RNF38: variants seen among roughly 807,000 people sequenced by gnomAD.
RNF38 encodes the protein E3 ubiquitin-protein ligase RNF38.
RNF38 carries 15 observed loss-of-function variants against 67.2 expected under a neutral mutation model. The ratio of observed to expected loss-of-function variants is 0.22; its 90% CI spans 0.15 to 0.34. RNF38 has a LOEUF of 0.34. Ranked by LOEUF, RNF38 falls within the 10% of genes least tolerant of loss-of-function variation. The pLI is 1.00. For missense variants in RNF38, 524 were observed against 639.9 expected, an observed-to-expected ratio of 0.82 and a Z score of 1.95; for synonymous variants, 220 against 218.8, an observed-to-expected ratio of 1.01 and a Z score of -0.05.
At chr9:36,355,819 C>T (rs751392466) in intron 6 of RNF38, among the ~76,000 whole-genome samples, 1 of 151,992 alleles carries the variant, frequency 6.6e-6, no homozygotes, top group African/African-American at 2.4e-5. Context: ...AATTCAAGAA[C>T]CAGAAGAATG....
intron 9 of RNF38, among the ~76,000 whole-genome samples, chr9:36,347,118 CTCGGGGGGGGGGGGGGGG>C (rs1833298645): frequency 2.0e-4 from 2 of 10,062 alleles, no homozygotes; most frequent in African/African-American, 9.6e-4. Context: ...GAGACTCCAT[CTCGGGGGGGGGGGGGGGG>C]GGGGGGGGGG....
At chr9:36,477,276 T>A (rs1840142331) in intron 1 of RNF38, among the ~76,000 whole-genome samples, 1 of 144,592 alleles carries the variant, frequency 6.9e-6, no homozygotes, top group African/African-American at 2.6e-5. Context: ...TGAGCCAAGA[T>A]CACACCACTG....
At chr9:36,401,333 G>C (rs190343191), upstream of RNF38, 232 of 509,274 alleles carry the variant, frequency 4.6e-4, 2 homozygotes, top group South Asian at 0.012. Flanking sequence ...GCGGACCGCA[G>C]GGCCCTGTTC....
intron 1 of RNF38, chr9:36,424,707 T>A (rs1303769362): frequency 1.1e-6 from 1 of 945,246 alleles, no homozygotes; most frequent in Non-Finnish European, 1.3e-6. Context: ...GGAGGAAAGG[T>A]TAAGATGCAG....
chr9:36,398,876 C>T (rs1837754395), intron 1 of RNF38, among the ~76,000 whole-genome samples: 1 of 152,194 alleles, frequency 6.6e-6, no homozygotes, highest in African/African-American at 2.4e-5. Flanking sequence ...TCTTTCCATA[C>T]TGAGCAAGTA....
intron 4 of RNF38, among the ~76,000 whole-genome samples, chr9:36,367,824 C>G (rs1835093293): frequency 1.3e-5 from 2 of 151,996 alleles, no homozygotes; most frequent in Admixed American, 1.3e-4. Context: ...TTCGAATTAC[C>G]AGTTCTTTAA....
At chr9:36,439,918 T>C (rs1004877941) in intron 1 of RNF38, among the ~76,000 whole-genome samples, 8 of 152,102 alleles carry the variant, frequency 5.3e-5, no homozygotes, top group African/African-American at 1.9e-4. Flanking sequence ...TCCATTGATA[T>C]CTATATACTA....
Position 36,356,332 on chromosome 9 carries a change from C to T in RNF38, c.880G>A (p.Val294Ile), listed in dbSNP as rs1834103920. 5 of 1,613,922 alleles carry T rather than the reference C, an allele frequency of 3.1e-6. No individual in the cohort carries two copies. The South Asian group carries it at 5.5e-5, about 18-fold the overall frequency. Reference protein sequence around the residue: ...PPHLPPPGQFVPFQTQQSRSP... With the variant: ...PPHLPPPGQFIPFQTQQSRSP... The stretch of plus-strand genomic sequence containing the variant: ...CGTGATTGCTGTGTTTGGAAAGGGA[C>T]AAACTGGCCTGGTGGTGGCAAATGA... Residue 294 changes from valine to isoleucine, a missense_variant, in exon 6 of 12, where the codon GTC (valine) becomes ATC (isoleucine). Val to Ile is a conservative substitution (Grantham distance 29, BLOSUM62 3). Coordinates refer to ENST00000259605, the MANE Select transcript of RNF38 (RefSeq NM_022781.5).
At chr9:36,440,637 A>G (rs1419018055) in intron 1 of RNF38, among the ~76,000 whole-genome samples, 1 of 152,216 alleles carries the variant, frequency 6.6e-6, no homozygotes, top group Non-Finnish European at 1.5e-5. Flanking sequence ...GAATAAATAA[A>G]TAAGGCCCTG....
intron 2 of RNF38, among the ~76,000 whole-genome samples, chr9:36,382,277 T>C (rs2133924772): frequency 2.0e-5 from 3 of 152,260 alleles, no homozygotes; most frequent in Middle Eastern, 6.8e-3. Context: ...AGAACACTGC[T>C]ACAGATTTAG....
chr9:36,441,770 A>G (rs997190301), intron 1 of RNF38, among the ~76,000 whole-genome samples: 3 of 152,194 alleles, frequency 2.0e-5, no homozygotes, highest in African/African-American at 7.2e-5. Flanking sequence ...TGCTTTGGGA[A>G]GTTAACACTA....
At chr9:36,477,871 T>C (rs1050142605) in intron 1 of RNF38, among the ~76,000 whole-genome samples, 9 of 150,644 alleles carry the variant, frequency 6.0e-5, no homozygotes, top group Non-Finnish European at 1.3e-4. Context: ...GTCACACTCA[T>C]TGTCCCAGCT....
rs199834655 is a variant in RNF38, at chr9:36,426,670, G to A, written n.242-1987C>T. On this transcript the variant is annotated intron_variant and non_coding_transcript_variant, in intron 1 of 3. Transcript: ENST00000488058. ...TGATCTCTCTATTCAACCTTTTGAGGAACTGCCAAACTGTTTTCCAAACTG... is the reference window on the plus strand; with the variant it reads ...TGATCTCTCTATTCAACCTTTTGAGAAACTGCCAAACTGTTTTCCAAACTG... 6.6e-5 allele frequency among the ~76,000 whole-genome samples: 10 copies of A among 152,174 alleles called. No individual in the cohort carries two copies. The East Asian group carries it at 1.9e-3, about 29-fold the overall frequency.
upstream of RNF38, among the ~76,000 whole-genome samples, chr9:36,403,237 T>C (rs1427420088): frequency 6.6e-6 from 1 of 152,250 alleles, no homozygotes; most frequent in East Asian, 1.9e-4. Flanking sequence ...GTCACTTAAC[T>C]ACAGTCAAGC....
At chr9:36,348,007 C>T (rs1430270392) in intron 9 of RNF38, among the ~76,000 whole-genome samples, 1 of 151,972 alleles carries the variant, frequency 6.6e-6, no homozygotes, top group Non-Finnish European at 1.5e-5. Context: ...ACCCAGGAGG[C>T]GGAGCTTGCA....
At chr9:36,464,721 G>A (rs1564073118) in intron 1 of RNF38, among the ~76,000 whole-genome samples, 2 of 152,076 alleles carry the variant, frequency 1.3e-5, no homozygotes, top group Admixed American at 6.6e-5. Flanking sequence ...AAGAATGGAA[G>A]GAAATGGCAA....
At chr9:36,482,788 G>A (rs1330309816) in intron 1 of RNF38, among the ~76,000 whole-genome samples, 4 of 152,202 alleles carry the variant, frequency 2.6e-5, no homozygotes, top group Non-Finnish European at 5.9e-5. Context: ...AAGTTCACAT[G>A]GAGAACTCTT....
chr9:36,439,805 A>AC (rs1839153718), intron 1 of RNF38, among the ~76,000 whole-genome samples: 2 of 151,780 alleles, frequency 1.3e-5, no homozygotes, highest in African/African-American at 4.8e-5. Flanking sequence ...AAAAAAAAAA[A>AC]AAAAAACTTA....
At chr9:36,408,244 A>G (rs1270405964) in intron 2 of RNF38, among the ~76,000 whole-genome samples, 1 of 151,080 alleles carries the variant, frequency 6.6e-6, no homozygotes, top group Non-Finnish European at 1.5e-5. Context: ...GACTACAGGC[A>G]TACACCACCA....
Sources: allele counts gnomAD v4.1 joint callset (sites outside exome capture counted in the v4.1 genomes callset), GRCh38; gene constraint gnomAD v4.1.1; transcripts MANE v1.5; gene names NCBI Gene and HGNC (gene_info 2026-07-23, HGNC 2026-07-21).